SLC45A1: variants seen among roughly 807,000 people sequenced by gnomAD.
SLC45A1 encodes solute carrier family 45 member 1, also known as proton-associated sugar transporter A.
SLC45A1 carries 28 observed loss-of-function variants against 57.6 expected under a neutral mutation model. The ratio of observed to expected loss-of-function variants is 0.49; its 90% confidence interval spans 0.36 to 0.67. The LOEUF (loss-of-function observed/expected upper bound fraction) is 0.67, where lower values mean the gene tolerates loss of function less well. Among genes scored for constraint, SLC45A1 ranks in the 30% least tolerant of loss-of-function variants. The pLI is 0.00. For synonymous variants in SLC45A1, 459 were observed against 471.5 expected (o/e 0.97, Z 0.34); for missense variants, 814 against 1,041.5 (o/e 0.78, Z 3.01).
At chr1:8,338,316 G>A (rs1318444845) in intron 7 of SLC45A1, among the ~76,000 whole-genome samples, 2 of 152,248 alleles carry the variant, frequency 1.3e-5, no homozygotes, top group Non-Finnish European at 2.9e-5. Flanking sequence ...GCAGCGTGCT[G>A]TCCACCAGCC....
Position 8,343,421 on chromosome 1 carries a change from G to A in SLC45A1, c.1981-326G>A, listed in dbSNP as rs369761023. ...AGGGGATGGCAGGAGTGGAGCGGTC[G>A]CCTGGCTGGGCAGATTGGTTTTCTT... is the stretch of plus-strand genomic sequence containing the variant. On this transcript the variant is annotated intron_variant, in intron 8 of 8. Coordinates refer to ENST00000471889, the MANE Select transcript of SLC45A1 (RefSeq NM_001080397.3). This position sits in a 1 kb window ranked among gnomAD's most constrained non-coding sequence, Gnocchi z 7.7. Among the ~76,000 whole-genome samples, 4 of 152,286 alleles carry A rather than the reference G, an allele frequency of 2.6e-5. No homozygotes were observed. Among genetic ancestry groups the A allele is most frequent in the African/African-American group, 7.2e-5 (3 of 41,556 alleles).
Position 8,325,789 on chromosome 1 carries a change from T to C in SLC45A1, c.491-29T>C, listed in dbSNP as rs1239300933. The C allele has an allele frequency of 6.2e-7, 1 of 1,600,402 alleles. No individual in the cohort carries two copies. Among genetic ancestry groups the C allele is most frequent in the East Asian group, 2.2e-5 (1 of 44,852 alleles). On this transcript the variant is annotated intron_variant, in intron 3 of 8. Transcript: ENST00000471889. The surrounding 1 kb of genome is among the most constrained non-coding windows in gnomAD (Gnocchi z 6.3). Reference sequence around the variant, plus strand: ...GGGGACAGAGCTGGTCTGCATTTTCTTGGGGTGACTTTGTTTCTCTGTGTC... The same window carrying C: ...GGGGACAGAGCTGGTCTGCATTTTCCTGGGGTGACTTTGTTTCTCTGTGTC...
intron 7 of SLC45A1, among the ~76,000 whole-genome samples, chr1:8,338,247 G>A (rs998445995): frequency 2.6e-5 from 4 of 152,176 alleles, no homozygotes; most frequent in East Asian, 1.9e-4. Context: ...TGACTACACC[G>A]GCAGGCCATA....
chr1:8,334,540 C>T (rs1363837354), intron 5 of SLC45A1, among the ~76,000 whole-genome samples: 1 of 152,096 alleles, frequency 6.6e-6, no homozygotes, highest in African/African-American at 2.4e-5. Context: ...ATCTCTGTAA[C>T]AATTTTTTAA....
Position 8,335,514 on chromosome 1 carries a change from G to C in SLC45A1, c.1521G>C (p.Leu507=). The C allele has an allele frequency of 6.2e-7, 1 of 1,605,028 alleles. No individual in the cohort carries two copies. Among genetic ancestry groups the C allele is most frequent in the Non-Finnish European group, 8.5e-7 (1 of 1,179,860 alleles). ...TGSSERAEQP[L]SVGRLCSTIC... The stretch of plus-strand genomic sequence containing the variant: ...CCAGCGAGCGCGCGGAGCAGCCTCT[G>C]TCCGTGGGGCGCCTCTGCTCCACCA... Residue 507 remains leucine (L), a synonymous_variant, in exon 6 of 9, where the codon CTG becomes CTC. Transcript: ENST00000471889. The surrounding 1 kb of genome is among the most constrained non-coding windows in gnomAD (Gnocchi z 4.1).
chr1:8,334,304 C>T (rs988282026), intron 5 of SLC45A1, among the ~76,000 whole-genome samples: 3 of 152,234 alleles, frequency 2.0e-5, no homozygotes, highest in African/African-American at 7.2e-5. Context: ...ATGGGGGACG[C>T]GCTCTGCCGA....
Position 8,325,528 on chromosome 1 carries a change from G to C in SLC45A1, c.490+138G>C, listed in dbSNP as rs1001506254. The C allele has an allele frequency of 1.7e-5, 11 of 666,392 alleles. No individual in the cohort carries two copies. The highest frequency in any genetic ancestry group is 1.6e-4 in the African/African-American group (9 of 54,812). The allele number at this position is 666,392 out of a possible 1,614,324, so 41.3% of individuals were successfully genotyped here. On this transcript the variant is annotated intron_variant, in intron 3 of 8. Coordinates refer to ENST00000471889, the MANE Select transcript of SLC45A1 (RefSeq NM_001080397.3). The surrounding 1 kb of genome is among the most constrained non-coding windows in gnomAD (Gnocchi z 6.3). Reference sequence around the variant, plus strand: ...TGGGCCCGCACTGGTGTGAGGCAGGGAGTGCCCCGCAACCTGGCCTCAGTT... The same window carrying C: ...TGGGCCCGCACTGGTGTGAGGCAGGCAGTGCCCCGCAACCTGGCCTCAGTT...
rs778651345 is a variant in SLC45A1, at chr1:8,337,908, G to C, written c.1690G>C (p.Glu564Gln). 9.3e-6 allele frequency: 15 copies of C among 1,614,166 alleles called. No homozygotes were observed. The highest frequency in any genetic ancestry group is 1.2e-5 in the Non-Finnish European group (14 of 1,180,018). The part of the protein sequence containing the change: ...QGDPKAPHTS[E>Q]AYQKYNSGVT... ...GGACCCCAAGGCCCCGCACACATCA[G>C]AGGCGTATCAGAAGTACAACAGCGG... Residue 564 changes from glutamate to glutamine, a missense_variant, in exon 7 of 9, where the codon GAG becomes CAG. Coordinates refer to ENST00000471889, the MANE Select transcript of SLC45A1 (RefSeq NM_001080397.3).
chr1:8,325,259 G>T lies in SLC45A1; in HGVS notation c.398-39G>T. The T allele has an allele frequency of 7.1e-7, 1 of 1,407,822 alleles. No individual in the cohort carries two copies. Among genetic ancestry groups the T allele is most frequent in the South Asian group, 1.2e-5 (1 of 86,580 alleles). 87.2% of individuals were successfully genotyped at this position (1,407,822 alleles called of 1,614,324 possible). On this transcript the variant is annotated intron_variant, in intron 2 of 8. Coordinates refer to ENST00000471889, the MANE Select transcript of SLC45A1 (RefSeq NM_001080397.3). The surrounding 1 kb of genome is among the most constrained non-coding windows in gnomAD (Gnocchi z 6.3). ...CTGATTCGATGTCCCCATGTGCCAT[G>T]GGGACCCTGGCAATGACCGCTGGCC... is the stretch of plus-strand genomic sequence containing the variant.
chr1:8,344,033 C>T lies in SLC45A1; in HGVS notation c.*20C>T, dbSNP rs1055236. The T allele has an allele frequency of 0.28, 445,099 of 1,591,334 alleles. 65,113 individuals are homozygous for T. Among genetic ancestry groups the T allele is most frequent in the Non-Finnish European group, 0.3 (347,909 of 1,166,676 alleles). On this transcript the variant is annotated 3_prime_UTR_variant, in exon 9 of 9. Transcript: ENST00000471889. ...GTCTGACATCGCGGAGCCTCGACTC[C>T]GGACACGCGCCTGCACCTGGGGGTC...
In SLC45A1 at chr1:8,327,837, C is replaced by T. The variant is rs1373738843; in HGVS notation, c.715+1795C>T. On this transcript the variant is annotated intron_variant, in intron 4 of 8. Transcript: ENST00000471889. The surrounding 1 kb of genome is among the most constrained non-coding windows in gnomAD (Gnocchi z 4.3). The stretch of plus-strand genomic sequence containing the variant: ...CTTGAGGTCAGGCGTTCAAGACCAG[C>T]CTGGCCAACATGACAAAATCCCATC... 6.6e-6 allele frequency among the ~76,000 whole-genome samples: 1 copy of T among 152,138 alleles called. No homozygotes were observed. Among genetic ancestry groups the T allele is most frequent in the Non-Finnish European group, 1.5e-5 (1 of 68,032 alleles).
intron 8 of SLC45A1, among the ~76,000 whole-genome samples, chr1:8,342,898 CAAAAAA>C (rs111698660): frequency 7.5e-6 from 1 of 132,920 alleles, no homozygotes; most frequent in Non-Finnish European, 1.6e-5. Context: ...GACCCTGTCT[CAAAAAA>C]AAAAAAAAGA....
chr1:8,325,705 G>T lies in SLC45A1; in HGVS notation c.491-113G>T. 9.8e-7 allele frequency: 1 copy of T among 1,023,200 alleles called. No individual in the cohort carries two copies. Among genetic ancestry groups the T allele is most frequent in the South Asian group, 1.6e-5 (1 of 63,614 alleles). 63.4% of individuals were successfully genotyped at this position (1,023,200 alleles called of 1,614,324 possible). A position where few individuals can be genotyped will look rare whatever the true frequency, so the allele number is the denominator to read the frequency against. On this transcript the variant is annotated intron_variant, in intron 3 of 8. Transcript: ENST00000471889. The surrounding 1 kb of genome is among the most constrained non-coding windows in gnomAD (Gnocchi z 6.3). ...GGCTTTTCCACCGGGCTGTGCTTGA[G>T]GTTTAAGTTTTAAAAATTCTTGAGT...
At chr1:8,337,710 G>A (rs961824636) in intron 6 of SLC45A1, 106 bp from the exon 7 acceptor site, 20 of 1,101,742 alleles carry the variant, frequency 1.8e-5, no homozygotes, top group African/African-American at 7.9e-5. Context: ...GAGCCACCAC[G>A]CCCAGCTGCT....
At chr1:8,332,028 G>A (rs1342644511) in intron 5 of SLC45A1, among the ~76,000 whole-genome samples, 1 of 152,176 alleles carries the variant, frequency 6.6e-6, no homozygotes, top group Non-Finnish European at 1.5e-5. Flanking sequence ...TCCTGACCTC[G>A]TGATCCGCCT....
chr1:8,340,648 C>T (rs11799880), intron 8 of SLC45A1, among the ~76,000 whole-genome samples: 3,439 of 152,258 alleles, frequency 0.023, 134 homozygotes, highest in African/African-American at 0.078. Flanking sequence ...GTTTTATCAC[C>T]TCCCCTTGTT....
intron 5 of SLC45A1, among the ~76,000 whole-genome samples, chr1:8,333,190 G>A (rs941897646): frequency 6.6e-5 from 10 of 151,994 alleles, no homozygotes; most frequent in Admixed American, 1.3e-4. Flanking sequence ...TGATTTAGTC[G>A]GAGGTTAACT....
intron 8 of SLC45A1, among the ~76,000 whole-genome samples, chr1:8,341,978 A>T (rs537444263): frequency 1.4e-4 from 21 of 152,160 alleles, no homozygotes; most frequent in Non-Finnish European, 2.6e-4. Context: ...GAGGCCAAGG[A>T]GGGTGGATCA....
intron 6 of SLC45A1, 112 bp from the exon 7 acceptor site, chr1:8,337,704 C>A: frequency 9.8e-7 from 1 of 1,023,650 alleles, no homozygotes; most frequent in Non-Finnish European, 1.4e-6. Context: ...AGGCGTGAGC[C>A]ACCACGCCCA....
Sources: gnomAD v4.1 joint callset for allele counts (sites outside exome capture counted in the v4.1 genomes callset) on GRCh38, gnomAD v4.1.1 for gene constraint, Gnocchi (gnomAD v3.1) non-coding constraint, MANE v1.5 for transcripts, NCBI Gene and HGNC (gene_info 2026-07-23, HGNC 2026-07-21) for gene names.